Variants in ADAMTS2 observed in about 807,000 individuals in gnomAD.
The protein encoded by ADAMTS2 is ADAM metallopeptidase with thrombospondin type 1 motif 2, also known as A disintegrin and metalloproteinase with thrombospondin motifs 2.
Under a neutral mutation model 123.0 loss-of-function variants are expected in ADAMTS2, and 50 were observed. The observed-to-expected ratio is 0.41, with a 90% CI of 0.32 to 0.51. The LOEUF is 0.51. Ranked by LOEUF, ADAMTS2 falls within the 20% of genes least tolerant of loss-of-function variation. The pLI is 0.35. For synonymous variants in ADAMTS2, 678 were observed against 695.4 expected (o/e 0.98, Z 0.39); for missense variants, 1,494 against 1,705.2 (o/e 0.88, Z 2.18).
intron 3 of ADAMTS2, among the ~76,000 whole-genome samples, chr5:179,250,977 A>G (rs1239611694): frequency 1.3e-5 from 2 of 152,322 alleles, no homozygotes; most frequent in East Asian, 3.9e-4. Flanking sequence ...ACTCTAGGGA[A>G]GGAGAAAGAC....
intron 4 of ADAMTS2, among the ~76,000 whole-genome samples, chr5:179,195,198 G>C (rs1426867438): frequency 6.6e-6 from 1 of 152,230 alleles, no homozygotes; most frequent in East Asian, 1.9e-4. Context: ...AGTCCAGGGA[G>C]TGCCGAACAT....
At position 179,153,519 on chromosome 5, in the gene ADAMTS2, A is replaced by T; in HGVS notation, c.1487T>A (p.Phe496Tyr). ...YSMNEQCRFD[F>Y]GLGYMMCTAF... ...CGTGCACATCATGTAGCCCAGGCCG[A>T]AGTCAAAGCGGCATTGCTCGTTCAT... The change falls in exon 9 of 22, where the codon TTC becomes TAC. Residue 496 changes from phenylalanine to tyrosine, a missense_variant. Coordinates refer to ENST00000251582, the MANE Select transcript of ADAMTS2 (RefSeq NM_014244.5). The T allele has an allele frequency of 6.2e-7, 1 of 1,610,582 alleles. No homozygotes were observed. Among genetic ancestry groups the T allele is most frequent in the Non-Finnish European group, 8.5e-7 (1 of 1,179,848 alleles).
At chr5:179,214,420 A>G (rs759001193) in intron 3 of ADAMTS2, among the ~76,000 whole-genome samples, 1 of 152,264 alleles carries the variant, frequency 6.6e-6, no homozygotes, top group Non-Finnish European at 1.5e-5. Context: ...CTCAAGTAGA[A>G]AACCTGAAGA....
chr5:179,275,706 TCCC>T (rs1360098405), intron 2 of ADAMTS2, among the ~76,000 whole-genome samples: 1 of 152,168 alleles, frequency 6.6e-6, no homozygotes, highest in Non-Finnish European at 1.5e-5. Context: ...GAAAGTGTCC[TCCC>T]CCAGAGTCTC....
intron 2 of ADAMTS2, among the ~76,000 whole-genome samples, chr5:179,279,720 A>T (rs916883288): frequency 7.9e-5 from 12 of 152,176 alleles, no homozygotes; most frequent in African/African-American, 1.2e-4. Context: ...ATTGAGTGGG[A>T]TTTGAGCCAC....
intron 4 of ADAMTS2, among the ~76,000 whole-genome samples, chr5:179,201,631 CA>C (rs58141791): frequency 1.0e-3 from 93 of 91,896 alleles, no homozygotes; most frequent in South Asian, 2.2e-3. Flanking sequence ...ACTAAAAATA[CA>C]AAAAAAAAAA....
At chr5:179,159,478 C>T (rs1763555054) in intron 5 of ADAMTS2, among the ~76,000 whole-genome samples, 1 of 152,156 alleles carries the variant, frequency 6.6e-6, no homozygotes, top group Non-Finnish European at 1.5e-5. Flanking sequence ...AAAGTAATGG[C>T]AAAGACTTTG....
Position 179,320,514 on chromosome 5 carries a change from T to G in ADAMTS2, c.534+23253A>C, listed in dbSNP as rs569660002. ...TTTGTATTTTTAGTAGAGACGAGGT[T>G]TCACCATTTTAGCCAGGATGGTCTC... On this transcript the variant is annotated intron_variant, in intron 2 of 21. Transcript: ENST00000251582. Among the ~76,000 whole-genome samples the G allele has an allele frequency of 6.6e-5, 10 of 151,600 alleles. No individual in the cohort carries two copies. In the East Asian group the frequency reaches 1.9e-3, roughly 29 times the overall value.
intron 13 of ADAMTS2, among the ~76,000 whole-genome samples, chr5:179,135,357 A>C (rs1250005339): frequency 6.6e-6 from 1 of 152,162 alleles, no homozygotes; most frequent in African/African-American, 2.4e-5. Context: ...CCTGGCAGGG[A>C]CAAGTCTATG....
At chr5:179,321,791 C>A (rs1757187941) in intron 2 of ADAMTS2, among the ~76,000 whole-genome samples, 1 of 152,134 alleles carries the variant, frequency 6.6e-6, no homozygotes. Flanking sequence ...TCCAAGCTAC[C>A]CTTCCTCTCT....
chr5:179,179,296 T>A (rs1023566091), intron 5 of ADAMTS2, among the ~76,000 whole-genome samples: 1 of 152,018 alleles, frequency 6.6e-6, no homozygotes, highest in Admixed American at 6.6e-5. Flanking sequence ...TTGGATTTTT[T>A]TAGGTTTATA....
At chr5:179,310,055 T>A (rs1756787021) in intron 2 of ADAMTS2, among the ~76,000 whole-genome samples, 1 of 152,180 alleles carries the variant, frequency 6.6e-6, no homozygotes, top group Non-Finnish European at 1.5e-5. Flanking sequence ...GAATGTCCTG[T>A]GGATCTGCCC....
At chr5:179,205,777 T>TATTATTATC (rs1230190553) in intron 4 of ADAMTS2, among the ~76,000 whole-genome samples, 18 of 150,366 alleles carry the variant, frequency 1.2e-4, no homozygotes, top group African/African-American at 4.1e-4. Context: ...TTATTATTAT[T>TATTATTATC]ATTATTATTT....
At chr5:179,154,719 C>T (rs1763435019) in intron 7 of ADAMTS2, 95 bp downstream of exon 7, 5 of 1,038,862 alleles carry the variant, frequency 4.8e-6, no homozygotes, top group East Asian at 2.6e-5. Flanking sequence ...TGACACAGGG[C>T]GTGTCCCTCT....
At chr5:179,178,904 T>C (rs542012221) in intron 5 of ADAMTS2, among the ~76,000 whole-genome samples, 1 of 152,342 alleles carries the variant, frequency 6.6e-6, no homozygotes, top group Admixed American at 6.5e-5. Flanking sequence ...TCCAAAAGAT[T>C]TGACAGTAGT....
rs1191802281 is a variant in ADAMTS2, at chr5:179,332,971, C to T, written c.534+10796G>A. On this transcript the variant is annotated intron_variant, in intron 2 of 21. Coordinates refer to ENST00000251582, the MANE Select transcript of ADAMTS2 (RefSeq NM_014244.5). This position sits in a 1 kb window ranked among gnomAD's most constrained non-coding sequence, Gnocchi z 4.2. The stretch of plus-strand genomic sequence containing the variant: ...AAAGGCCAGCTACTGCCCTGGGAGC[C>T]CTCACCCCCTTATCCTGCCCGCTTG... Among the ~76,000 whole-genome samples the T allele has an allele frequency of 6.6e-6, 1 of 152,172 alleles. No individual in the cohort carries two copies. The highest frequency in any genetic ancestry group is 1.5e-5 in the Non-Finnish European group (1 of 68,016).
intron 5 of ADAMTS2, among the ~76,000 whole-genome samples, chr5:179,172,236 C>T (rs996170478): frequency 2.0e-5 from 3 of 152,202 alleles, no homozygotes; most frequent in Non-Finnish European, 4.4e-5. Context: ...GATCTCAGCA[C>T]CCCCAGGGCC....
rs61754844 is a variant in ADAMTS2, at chr5:179,122,672, C to T, written c.3060G>A (p.Ala1020=). 37 of 1,551,484 alleles carry T rather than the reference C, an allele frequency of 2.4e-5. No homozygotes were observed. In the Admixed American group the frequency reaches 4.3e-4, roughly 18 times the overall value. The part of the protein sequence containing the change: ...GICQEERPET[A]RTCRLGPCPR... ...GACAGGGGCCAAGCCTGCAGGTCCT[C>T]GCTGTCTCAGGACGCTCCTCCTGGC... Residue 1020 remains alanine, a synonymous_variant, in exon 20 of 22, where the codon GCG becomes GCA. Coordinates refer to ENST00000251582, the MANE Select transcript of ADAMTS2 (RefSeq NM_014244.5).
rs569098426 is a variant in ADAMTS2, at chr5:179,125,935, C to T, written c.2750+63G>A. On this transcript the variant is annotated intron_variant, in intron 18 of 21. Transcript: ENST00000251582. Reference sequence around the variant, plus strand: ...GGCCCAGGCCCCACACCTCCAAGCACGGGAGCCCCTGGTGGCCCCTGGCCT... The same window carrying T: ...GGCCCAGGCCCCACACCTCCAAGCATGGGAGCCCCTGGTGGCCCCTGGCCT... The T allele has an allele frequency of 5.1e-5, 82 of 1,607,134 alleles. 2 individuals are homozygous for T. The Middle Eastern group carries it at 6.7e-4, about 13-fold the overall frequency.
Sources: allele counts gnomAD v4.1 joint callset (sites outside exome capture counted in the v4.1 genomes callset), GRCh38; gene constraint gnomAD v4.1.1; non-coding constraint Gnocchi (gnomAD v3.1); transcripts MANE v1.5; gene names NCBI Gene and HGNC (gene_info 2026-07-23, HGNC 2026-07-21).